CA6: variants seen among roughly 807,000 people sequenced by gnomAD.
CA6 encodes the protein carbonate dehydratase VI.
Under a neutral mutation model 35.9 loss-of-function variants are expected in CA6, and 28 were observed. That is an observed-to-expected ratio of 0.78 (90% CI 0.58 to 1.07). The LOEUF is 1.07. Among genes scored for constraint, CA6 ranks in the 50% least tolerant of loss-of-function variants. The pLI is 0.00. For synonymous variants in CA6, 148 were observed against 152.6 expected (o/e 0.97, Z 0.22); for missense variants, 377 against 382.0 (o/e 0.99, Z 0.11).
Position 8,971,312 on chromosome 1 carries a change from T to C in CA6, c.844+331T>C, listed in dbSNP as rs901717549. 4.5e-5 allele frequency among the ~76,000 whole-genome samples: 6 copies of C among 134,420 alleles called. No individual in the cohort carries two copies. The South Asian group carries it at 1.4e-3, about 32-fold the overall frequency. 88.2% of individuals were successfully genotyped at this position (134,420 alleles called of 152,430 possible). A position where few individuals can be genotyped will look rare whatever the true frequency, so the allele number is the denominator to read the frequency against. ...ACAAGAGTGTAGGTTCAAGTTAACC[T>C]TTTTTTTTTTTTTTTTTGAGACAGA... On this transcript the variant is annotated intron_variant, in intron 7 of 7. Coordinates refer to ENST00000377443, the MANE Select transcript of CA6 (RefSeq NM_001215.4).
chr1:8,972,161 C>T (rs1640125806), intron 7 of CA6, among the ~76,000 whole-genome samples: 1 of 152,086 alleles, frequency 6.6e-6, no homozygotes, highest in Non-Finnish European at 1.5e-5. Context: ...GATCCTCCCA[C>T]CTCAGCCTCC....
At chr1:8,951,531 G>A (rs761568629) in intron 2 of CA6, 1 of 765,196 alleles carries the variant, frequency 1.3e-6, no homozygotes, top group South Asian at 1.3e-5. Flanking sequence ...GACAGCTGGT[G>A]GGAAGCAATC....
intron 2 of CA6, among the ~76,000 whole-genome samples, chr1:8,956,410 AAC>A (rs1356286533): frequency 6.6e-6 from 1 of 152,080 alleles, no homozygotes; most frequent in African/African-American, 2.4e-5. Context: ...CTGTAATCCC[AAC>A]ACTTTGGGAG....
In CA6 at chr1:8,970,856, G is replaced by A. The variant is rs367982886; in HGVS notation, c.730-11G>A. Reference sequence around the variant, plus strand: ...CTCTTCCCCTCCATAATGCACTCACGTTGCCCCCAGGTTTGGAAGCTGGAG... The same window carrying A: ...CTCTTCCCCTCCATAATGCACTCACATTGCCCCCAGGTTTGGAAGCTGGAG... On this transcript the variant is annotated splice_polypyrimidine_tract_variant and intron_variant, in intron 6 of 7. Transcript: ENST00000377443. 11 of 1,555,200 alleles carry A rather than the reference G, an allele frequency of 7.1e-6. No individual in the cohort carries two copies. Among genetic ancestry groups the A allele is most frequent in the Middle Eastern group, 1.7e-4 (1 of 5,930 alleles).
intron 1 of CA6, 80 bp from the exon 2 acceptor site, chr1:8,949,183 C>T: frequency 1.8e-6 from 2 of 1,140,556 alleles, no homozygotes; most frequent in South Asian, 1.7e-5. Flanking sequence ...AGGCCCTGGC[C>T]TCTGGCCTCT....
At chr1:8,955,255 A>G (rs1639643598) in intron 2 of CA6, among the ~76,000 whole-genome samples, 1 of 152,202 alleles carries the variant, frequency 6.6e-6, no homozygotes, top group African/African-American at 2.4e-5. Context: ...GTGTGCCTGT[A>G]GTCCCTGCTA....
intron 2 of CA6, chr1:8,951,598 C>T (rs1445752073): frequency 1.3e-6 from 1 of 765,148 alleles, no homozygotes; most frequent in Non-Finnish European, 2.4e-6. Flanking sequence ...GTGCTGAGGG[C>T]CCAGAAGAGG....
intron 7 of CA6, among the ~76,000 whole-genome samples, chr1:8,973,800 T>TCC (rs1210447614): frequency 1.8e-4 from 5 of 27,448 alleles, no homozygotes; most frequent in African/African-American, 2.3e-3. Flanking sequence ...CCTCCCTCCC[T>TCC]CTCTCTCTCT....
chr1:8,955,448 G>A (rs1335205140), intron 2 of CA6, among the ~76,000 whole-genome samples: 2 of 152,144 alleles, frequency 1.3e-5, no homozygotes, highest in African/African-American at 2.4e-5. Context: ...GCCTGTGTGG[G>A]CCTGTCAGTG....
intron 5 of CA6, among the ~76,000 whole-genome samples, chr1:8,964,996 C>T (rs1639933174): frequency 6.6e-6 from 1 of 152,260 alleles, no homozygotes; most frequent in Non-Finnish European, 1.5e-5. Context: ...GTAATCCCCT[C>T]ACTTTGGGAG....
rs753185301 is a variant in CA6 at position 8,949,359 on chromosome 1, A to G, written c.176A>G (p.Tyr59Cys). 1.1e-4 allele frequency: 183 copies of G among 1,613,460 alleles called. 1 individual carries two copies. The highest frequency in any genetic ancestry group is 1.6e-4 in the East Asian group (7 of 44,846). ...PINLQRTKVR[Y>C]NPSLKGLNMT... ...AACCTACAGAGGACGAAGGTGCGGT[A>G]CAACCCCTCCTTGAAGGGGCTCAAT... is the stretch of plus-strand genomic sequence containing the variant. Residue 59 changes from tyrosine (Y) to cysteine (C), a missense_variant, in exon 2 of 8, where the codon TAC (tyrosine) becomes TGC (cysteine). Tyr to Cys is a radical substitution (Grantham distance 194, BLOSUM62 -2). Coordinates refer to ENST00000377443, the MANE Select transcript of CA6 (RefSeq NM_001215.4).
intron 1 of CA6, among the ~76,000 whole-genome samples, chr1:8,948,121 T>G (rs1639417731): frequency 6.6e-6 from 1 of 152,072 alleles, no homozygotes; most frequent in South Asian, 2.1e-4. Context: ...GTGTTGGGAT[T>G]ACAGGCATGA....
intron 2 of CA6, among the ~76,000 whole-genome samples, chr1:8,955,113 A>G (rs1639640068): frequency 6.6e-6 from 1 of 151,732 alleles, no homozygotes; most frequent in Non-Finnish European, 1.5e-5. Context: ...GCCGTGGCTC[A>G]CCTATAATCC....
intron 4 of CA6, among the ~76,000 whole-genome samples, chr1:8,960,448 T>C (rs1225100535): frequency 6.7e-6 from 1 of 148,306 alleles, no homozygotes; most frequent in East Asian, 2.0e-4. Context: ...AAGGAAACTA[T>C]GTTCAAAGAA....
chr1:8,955,642 C>G (rs773387651), intron 2 of CA6, among the ~76,000 whole-genome samples: 3 of 150,478 alleles, frequency 2.0e-5, no homozygotes, highest in Non-Finnish European at 4.4e-5. Context: ...GGCCCTTCCA[C>G]GCCTCCTTTT....
At position 8,949,301 on chromosome 1, in the gene CA6, C is replaced by T. The variant is rs1368472364; in HGVS notation, c.118C>T (p.Pro40Ser). 1.2e-6 allele frequency: 2 copies of T among 1,612,802 alleles called. No homozygotes were observed. The highest frequency in any genetic ancestry group is 2.2e-5 in the East Asian group (1 of 44,802). Residue 40 changes from proline (P) to serine (S), a missense_variant, in exon 2 of 8, where the codon CCC (proline) becomes TCC (serine). Pro to Ser is a moderately conservative substitution (Grantham distance 74). Coordinates refer to ENST00000377443, the MANE Select transcript of CA6 (RefSeq NM_001215.4). ...CGAAGCGCACTGGCCACAGCACTAC[C>T]CCGCCTGTGGGGGCCAGAGACAGTC... ...LDEAHWPQHY[P>S]ACGGQRQSPI... is the part of the protein sequence containing the mutation.
Position 8,963,953 on chromosome 1 carries a change from T to C in CA6, c.571+1297T>C, listed in dbSNP as rs1639905525. Among the ~76,000 whole-genome samples the C allele has an allele frequency of 6.6e-6, 1 of 152,192 alleles. No individual in the cohort carries two copies. Among genetic ancestry groups the C allele is most frequent in the African/African-American group, 2.4e-5 (1 of 41,450 alleles). On this transcript the variant is annotated intron_variant, in intron 5 of 7. Coordinates refer to ENST00000377443, the MANE Select transcript of CA6 (RefSeq NM_001215.4). The surrounding 1 kb of genome is among the most constrained non-coding windows in gnomAD (Gnocchi z 4.1). ...TCCCAAATTCCTGTCACATGCTTTC[T>C]CCTCTCTCCTGAAGCCCCTGTGCCT...
intron 2 of CA6, chr1:8,951,362 A>G (rs41278978): frequency 0.013 from 9,404 of 702,092 alleles, 107 homozygotes; most frequent in Non-Finnish European, 0.018. Context: ...AATGAACAAA[A>G]GCCTCATTTT....
intron 4 of CA6, 92 bp from the exon 5 acceptor site, chr1:8,962,495 C>G: frequency 1.9e-6 from 2 of 1,078,528 alleles, no homozygotes; most frequent in Non-Finnish European, 2.9e-6. Flanking sequence ...TAGGCTCGGC[C>G]CAATCCGCTA....
Sources: gnomAD v4.1 joint callset for allele counts (sites outside exome capture counted in the v4.1 genomes callset) on GRCh38, gnomAD v4.1.1 for gene constraint, Gnocchi (gnomAD v3.1) non-coding constraint, MANE v1.5 for transcripts, NCBI Gene and HGNC (gene_info 2026-07-23, HGNC 2026-07-21) for gene names.